The following BPHL variants were observed in gnomAD, a reference collection of about 807,000 sequenced individuals.
BPHL encodes the protein biphenyl hydrolase like, also known as serine hydrolase BPHL.
In BPHL, 27 loss-of-function variants were observed where a neutral mutation model predicts 31.2. The ratio of observed to expected loss-of-function variants is 0.87; its 90% CI spans 0.64 to 1.19. BPHL has a LOEUF of 1.19. Ranked by LOEUF, BPHL falls within the 50% of genes most tolerant of loss-of-function variation. The pLI is 0.00. For synonymous variants in BPHL, 150 were observed against 146.8 expected, an observed-to-expected ratio of 1.02 and a Z score of -0.16; for missense variants, 356 against 375.7, an observed-to-expected ratio of 0.95 and a Z score of 0.43.
At chr6:3,121,323 C>T (rs1439022538) in intron 1 of BPHL, among the ~76,000 whole-genome samples, 2 of 97,538 alleles carry the variant, frequency 2.1e-5, no homozygotes, top group African/African-American at 4.2e-5. Context: ...TTTTTTGAGA[C>T]GGAGTCTCTC....
rs957024120 is a variant in BPHL, at chr6:3,149,574, G to T, written c.789-2914G>T. Among the ~76,000 whole-genome samples the T allele has an allele frequency of 1.5e-4, 23 of 152,162 alleles. No homozygotes were observed. Among genetic ancestry groups the T allele is most frequent in the Admixed American group, 3.3e-4 (5 of 15,278 alleles). ...ACCAGAGGAGAGCCTGGCCAGCCAG[G>T]GCAGCCCCCAACTTCATCAGCAGCA... On this transcript the variant is annotated intron_variant, in intron 6 of 6. Coordinates refer to ENST00000380379, the MANE Select transcript of BPHL (RefSeq NM_004332.4). This position sits in a 1 kb window ranked among gnomAD's most constrained non-coding sequence, Gnocchi z 4.6.
intron 4 of BPHL, among the ~76,000 whole-genome samples, chr6:3,129,543 T>C (rs1405163912): frequency 1.3e-5 from 2 of 152,168 alleles, no homozygotes; most frequent in African/African-American, 4.8e-5. Flanking sequence ...GCACAGTGGC[T>C]CATGCCTGTA....
intron 4 of BPHL, among the ~76,000 whole-genome samples, chr6:3,134,768 A>AT (rs1761966051): frequency 6.6e-6 from 1 of 151,596 alleles, no homozygotes; most frequent in East Asian, 1.9e-4. Context: ...ACGCCCGGCT[A>AT]TTTTTTTGTA....
intron 4 of BPHL, among the ~76,000 whole-genome samples, chr6:3,133,418 A>G (rs910708599): frequency 1.3e-5 from 2 of 152,002 alleles, no homozygotes; most frequent in African/African-American, 4.8e-5. Flanking sequence ...CAATATGTGA[A>G]TCTCATGGTG....
intron 6 of BPHL, among the ~76,000 whole-genome samples, chr6:3,142,143 A>G (rs1246022266): frequency 2.0e-5 from 3 of 151,200 alleles, no homozygotes; most frequent in African/African-American, 7.3e-5. Flanking sequence ...TTTGAGGCAC[A>G]GTTTCACTCT....
In BPHL at chr6:3,127,995, A is replaced by G. The variant is rs183524547; in HGVS notation, c.378+587A>G. On this transcript the variant is annotated intron_variant, in intron 3 of 6. Transcript: ENST00000380379. ...GCCACTATGCCCAGCTAATTTTTGT[A>G]TTTTTAGTAGAGACAGGGTTTCATC... Among the ~76,000 whole-genome samples, 5 of 152,068 alleles carry G rather than the reference A, an allele frequency of 3.3e-5. No individual in the cohort carries two copies. In the East Asian group the frequency reaches 7.7e-4, roughly 24 times the overall value.
Position 3,119,525 on chromosome 6 carries a change from C to T in BPHL, c.107+678C>T, listed in dbSNP as rs755600387. Reference sequence around the variant, plus strand: ...CCCCCCATTTCAGGTAAAACAATAACAAAAAAACTGGATTAATTTCTGACC... The same window carrying T: ...CCCCCCATTTCAGGTAAAACAATAATAAAAAAACTGGATTAATTTCTGACC... On this transcript the variant is annotated intron_variant, in intron 1 of 6. Transcript: ENST00000380379. The T allele has an allele frequency of 3.1e-6, 5 of 1,612,768 alleles. No individual in the cohort carries two copies. The East Asian group carries it at 6.7e-5, about 22-fold the overall frequency.
chr6:3,124,364 GT>G (rs1301090111), intron 2 of BPHL, among the ~76,000 whole-genome samples: 5 of 152,144 alleles, frequency 3.3e-5, no homozygotes, highest in Non-Finnish European at 5.9e-5. Context: ...AAAATTTGCA[GT>G]GATTCCAGTA....
upstream of BPHL, chr6:3,118,589 G>A (rs1255539247): frequency 7.7e-6 from 4 of 518,262 alleles, no homozygotes; most frequent in Non-Finnish European, 1.2e-5. Context: ...CACCCGGCAG[G>A]GCGTGGCTTC....
intron 4 of BPHL, among the ~76,000 whole-genome samples, chr6:3,132,880 A>G (rs1475342856): frequency 6.6e-6 from 1 of 152,094 alleles, no homozygotes; most frequent in Non-Finnish European, 1.5e-5. Flanking sequence ...AAGAAAAGAA[A>G]AAGACGAGTT....
At chr6:3,119,343 G>A (rs1561786102) in intron 1 of BPHL, 2 of 1,558,302 alleles carry the variant, frequency 1.3e-6, no homozygotes, top group Non-Finnish European at 1.7e-6. Context: ...AGAGCCCTAA[G>A]TCTTCTCTTT....
intron 1 of BPHL, among the ~76,000 whole-genome samples, chr6:3,123,399 G>A (rs964598182): frequency 6.6e-6 from 1 of 152,064 alleles, no homozygotes; most frequent in African/African-American, 2.4e-5. Flanking sequence ...GTGATGTTTC[G>A]ATAGATACAA....
chr6:3,133,651 CTCCTTCACTT>C (rs1447186598), intron 4 of BPHL, among the ~76,000 whole-genome samples: 2 of 152,166 alleles, frequency 1.3e-5, no homozygotes, highest in African/African-American at 4.8e-5. Flanking sequence ...TCCCTTCCCA[CTCCTTCACTT>C]GTTTGCTGAC....
At chr6:3,122,010 T>C (rs1011564695) in intron 1 of BPHL, among the ~76,000 whole-genome samples, 1 of 152,116 alleles carries the variant, frequency 6.6e-6, no homozygotes, top group East Asian at 1.9e-4. Flanking sequence ...AAAAAGGAGA[T>C]GGGCCGGGCC....
chr6:3,147,816 G>A lies in BPHL; in HGVS notation c.789-4672G>A, dbSNP rs571093919. 3.3e-5 allele frequency among the ~76,000 whole-genome samples: 5 copies of A among 152,308 alleles called. 1 individual carries two copies. The East Asian group carries it at 9.7e-4, about 29-fold the overall frequency. ...TGAAGGCCTGACAGCCAGGAGAGGA[G>A]ATGGTGTGGTTCTAGTGTGAAAGCC... is the stretch of plus-strand genomic sequence containing the variant. On this transcript the variant is annotated intron_variant, in intron 6 of 6. Coordinates refer to ENST00000380379, the MANE Select transcript of BPHL (RefSeq NM_004332.4).
At chr6:3,145,913 GT>G (rs201103381) in intron 6 of BPHL, among the ~76,000 whole-genome samples, 1 of 73,530 alleles carries the variant, frequency 1.4e-5, no homozygotes, top group Non-Finnish European at 3.2e-5. Context: ...GCTGGTTTGG[GT>G]TGGAGTGCTG....
chr6:3,142,182 G>C (rs1016049639), intron 6 of BPHL, among the ~76,000 whole-genome samples: 1 of 151,446 alleles, frequency 6.6e-6, no homozygotes, highest in Non-Finnish European at 1.5e-5. Context: ...GCAATGGCGC[G>C]ATCTCGGCTC....
Position 3,118,790 on chromosome 6 carries a change from T to C in BPHL, c.50T>C (p.Leu17Pro). Residue 17 changes from leucine (L) to proline (P), a missense_variant, in exon 1 of 7, where the codon CTC (leucine) becomes CCC (proline). Coordinates refer to ENST00000380379, the MANE Select transcript of BPHL (RefSeq NM_004332.4). ...GRGVLRLRLL[L>P]SALKPGIHVP... ...GGCGTGTTGCGCCTGCGGCTGCTTCTCTCAGCGCTGAAGCCCGGGATCCAC... is the reference window on the plus strand; with the variant it reads ...GGCGTGTTGCGCCTGCGGCTGCTTCCCTCAGCGCTGAAGCCCGGGATCCAC... 8.0e-7 allele frequency: 1 copy of C among 1,249,340 alleles called. No homozygotes were observed. Among genetic ancestry groups the C allele is most frequent in the Non-Finnish European group, 1.0e-6 (1 of 993,300 alleles). The allele number at this position is 1,249,340 out of a possible 1,614,324, so 77.4% of individuals were successfully genotyped here. A position where few individuals can be genotyped will look rare whatever the true frequency, so the allele number is the denominator to read the frequency against.
chr6:3,141,704 T>C (rs1388135802), intron 6 of BPHL, among the ~76,000 whole-genome samples: 1 of 152,010 alleles, frequency 6.6e-6, no homozygotes, highest in East Asian at 2.0e-4. Context: ...CTGGGCACAG[T>C]GGCTCACACC....
Sources: gnomAD v4.1 joint callset for allele counts (sites outside exome capture counted in the v4.1 genomes callset) on GRCh38, gnomAD v4.1.1 for gene constraint, Gnocchi (gnomAD v3.1) non-coding constraint, MANE v1.5 for transcripts, NCBI Gene and HGNC (gene_info 2026-07-23, HGNC 2026-07-21) for gene names.